SBNO2: variants seen among roughly 807,000 people sequenced by gnomAD.
The protein encoded by SBNO2 is strawberry notch homolog 2.
Under a neutral mutation model 146.3 loss-of-function variants are expected in SBNO2, and 89 were observed. The ratio of observed to expected loss-of-function variants is 0.61; its 90% CI spans 0.51 to 0.73. SBNO2 has a LOEUF of 0.73. Ranked by LOEUF, SBNO2 falls within the 30% of genes least tolerant of loss-of-function variation. The probability of loss-of-function intolerance (pLI) is 0.00; values close to 1 mark genes in which losing one functional copy is unlikely to be tolerated. For missense variants in SBNO2, 2,092 were observed against 2,003.7 expected (o/e 1.04, Z -0.84); for synonymous variants, 1,147 against 892.6 (o/e 1.29, Z -5.08).
intron 4 of SBNO2, among the ~76,000 whole-genome samples, chr19:1,138,387 C>T (rs2080104539): frequency 2.0e-5 from 3 of 151,812 alleles, no homozygotes; most frequent in Admixed American, 1.3e-4. Context: ...GCAAGGGCCC[C>T]TTATCCTCGA....
chr19:1,158,369 C>A lies in SBNO2; in HGVS notation c.-126-3967G>T, dbSNP rs8103571. On this transcript the variant is annotated intron_variant, in intron 1 of 31. Coordinates refer to ENST00000361757, the MANE Select transcript of SBNO2 (RefSeq NM_014963.3). The surrounding 1 kb of genome is among the most constrained non-coding windows in gnomAD (Gnocchi z 9.9). ...CTTTCGGATGTGGACACGGAGGCCCCTAGGTGGAGCCTTGACGTGACCCCC... is the reference window on the plus strand; with the variant it reads ...CTTTCGGATGTGGACACGGAGGCCCATAGGTGGAGCCTTGACGTGACCCCC... Among the ~76,000 whole-genome samples, 267 of 152,282 alleles carry A rather than the reference C, an allele frequency of 1.8e-3. No individual in the cohort carries two copies. Among genetic ancestry groups the A allele is most frequent in the African/African-American group, 6.3e-3 (263 of 41,554 alleles).
intron 4 of SBNO2, among the ~76,000 whole-genome samples, chr19:1,129,383 G>C (rs1374672273): frequency 1.3e-5 from 2 of 152,126 alleles, no homozygotes; most frequent in Non-Finnish European, 2.9e-5. Context: ...CACCCTGTCA[G>C]ACCCAAGCAC....
In SBNO2 at chr19:1,112,620, C is replaced by T. The variant is rs914127852; in HGVS notation, c.2380-83G>A. 2.3e-4 allele frequency: 340 copies of T among 1,475,440 alleles called. No individual in the cohort carries two copies. Among genetic ancestry groups the T allele is most frequent in the South Asian group, 4.7e-4 (35 of 75,124 alleles). The allele number at this position is 1,475,440 out of a possible 1,614,324, so 91.4% of individuals were successfully genotyped here. A position where few individuals can be genotyped will look rare whatever the true frequency, so the allele number is the denominator to read the frequency against. The stretch of plus-strand genomic sequence containing the variant: ...GCCACCTCCTCACCCACTAGGCCCC[C>T]GCTCCAGGTCACCAGGACGTCCCGG... On this transcript the variant is annotated intron_variant, in intron 20 of 31. Coordinates refer to ENST00000361757, the MANE Select transcript of SBNO2 (RefSeq NM_014963.3). The surrounding 1 kb of genome is among the most constrained non-coding windows in gnomAD (Gnocchi z 5.9).
Position 1,158,468 on chromosome 19 carries a change from C to G in SBNO2, c.-126-4066G>C, listed in dbSNP as rs1234115302. Among the ~76,000 whole-genome samples, 1 of 152,200 alleles carries G rather than the reference C, an allele frequency of 6.6e-6. No individual in the cohort carries two copies. The highest frequency in any genetic ancestry group is 2.4e-5 in the African/African-American group (1 of 41,440). On this transcript the variant is annotated intron_variant, in intron 1 of 31. Coordinates refer to ENST00000361757, the MANE Select transcript of SBNO2 (RefSeq NM_014963.3). The surrounding 1 kb of genome is among the most constrained non-coding windows in gnomAD (Gnocchi z 9.9). ...GCAAAGCGGAGACCCTGAGAAGACA[C>G]TGGCCGCAGAGCCATAACCGAGACC... is the stretch of plus-strand genomic sequence containing the variant.
Position 1,157,208 on chromosome 19 carries a change from T to C in SBNO2, c.-126-2806A>G, listed in dbSNP as rs576896962. Among the ~76,000 whole-genome samples the C allele has an allele frequency of 1.2e-4, 19 of 152,200 alleles. No homozygotes were observed. The East Asian group carries it at 3.3e-3, about 26-fold the overall frequency. ...CCCCATTGACTCCGCCGCCGTTTCT[T>C]GCAGCAGCTGTGACCACGCCATGTC... On this transcript the variant is annotated intron_variant, in intron 1 of 31. Transcript: ENST00000361757. The surrounding 1 kb of genome is among the most constrained non-coding windows in gnomAD (Gnocchi z 6.8).
chr19:1,132,863 G>A (rs1402263421), intron 4 of SBNO2, among the ~76,000 whole-genome samples: 2 of 152,200 alleles, frequency 1.3e-5, no homozygotes, highest in African/African-American at 2.4e-5. Flanking sequence ...GGCCAGACCC[G>A]GCCTCGGCCC....
Position 1,110,933 on chromosome 19 carries a change from T to C in SBNO2, c.2885-45A>G, listed in dbSNP as rs762712077. On this transcript the variant is annotated intron_variant, in intron 25 of 31. Coordinates refer to ENST00000361757, the MANE Select transcript of SBNO2 (RefSeq NM_014963.3). The surrounding 1 kb of genome is among the most constrained non-coding windows in gnomAD (Gnocchi z 4.9). Reference sequence around the variant, plus strand: ...AGCCTCAGGCTGCGCTGGGAATCCCTCTCCCTGCTTTGCTCACCACCCGAG... The same window carrying C: ...AGCCTCAGGCTGCGCTGGGAATCCCCCTCCCTGCTTTGCTCACCACCCGAG... The C allele has an allele frequency of 1.1e-5, 18 of 1,610,872 alleles. 1 individual carries two copies. Among genetic ancestry groups the C allele is most frequent in the South Asian group, 5.5e-5 (5 of 91,032 alleles).
In SBNO2 at chr19:1,112,860, G is replaced by A. The variant is rs753933575; in HGVS notation, c.2337C>T (p.His779=). Residue 779 remains histidine (H), a synonymous_variant, in exon 20 of 32, where the codon CAC becomes CAT. Coordinates refer to ENST00000361757, the MANE Select transcript of SBNO2 (RefSeq NM_014963.3). The surrounding 1 kb of genome is among the most constrained non-coding windows in gnomAD (Gnocchi z 5.9). ...SRAEQGLSID[H]VNLREKQRFM... ...AGCGCTGCTTCTCCCTGAGGTTCAC[G>A]TGGTCGATGGACAGACCCTGCTCTG... 2.0e-5 allele frequency: 32 copies of A among 1,576,058 alleles called. No homozygotes were observed. The highest frequency in any genetic ancestry group is 2.6e-5 in the Non-Finnish European group (30 of 1,162,552).
At chr19:1,143,447 GAAC>G (rs956281026) in intron 4 of SBNO2, among the ~76,000 whole-genome samples, 2 of 152,158 alleles carry the variant, frequency 1.3e-5, no homozygotes, top group African/African-American at 2.4e-5. Context: ...ACTCCAGGCT[GAAC>G]AACAGAGCCA....
At chr19:1,124,753 G>T (rs1431912262) in intron 5 of SBNO2, among the ~76,000 whole-genome samples, 1 of 152,250 alleles carries the variant, frequency 6.6e-6, no homozygotes. Flanking sequence ...ACCAGGGTGG[G>T]CAGTGACACT....
chr19:1,111,835 AG>A (rs2079764814), intron 23 of SBNO2, among the ~76,000 whole-genome samples, 160 bp downstream of exon 23: 1 of 150,326 alleles, frequency 6.7e-6, no homozygotes, highest in East Asian at 2.0e-4. Context: ...AGCCCCTAGA[AG>A]CCCCCTTCCC....
In SBNO2 at chr19:1,144,460, G is replaced by A. The variant is rs113456860; in HGVS notation, c.279+2849C>T. Among the ~76,000 whole-genome samples the A allele has an allele frequency of 6.6e-6, 1 of 152,156 alleles. No individual in the cohort carries two copies. Among genetic ancestry groups the A allele is most frequent in the Admixed American group, 6.5e-5 (1 of 15,268 alleles). On this transcript the variant is annotated intron_variant, in intron 4 of 31. Transcript: ENST00000361757. The surrounding 1 kb of genome is among the most constrained non-coding windows in gnomAD (Gnocchi z 4.1). The stretch of plus-strand genomic sequence containing the variant: ...CCAGCACAGTGGCCCCGAGGGCTCC[G>A]GGCTGAACAGATGCAGCAGCAATTG...
intron 4 of SBNO2, among the ~76,000 whole-genome samples, chr19:1,143,061 C>T (rs1458597059): frequency 6.6e-6 from 1 of 152,214 alleles, no homozygotes; most frequent in East Asian, 1.9e-4. Context: ...CCTACCAATC[C>T]CTCCAGGTTT....
chr19:1,114,565 T>C, intron 17 of SBNO2, 143 bp from the exon 18 acceptor site: 1 of 663,134 alleles, frequency 1.5e-6, no homozygotes, highest in South Asian at 2.4e-5. Flanking sequence ...GGCAAGCAGC[T>C]CAGCTGTTCT....
At chr19:1,114,738 G>A (rs2079811111) in intron 17 of SBNO2, among the ~76,000 whole-genome samples, 3 of 152,144 alleles carry the variant, frequency 2.0e-5, no homozygotes, top group South Asian at 2.1e-4. Flanking sequence ...GGATTCAAGC[G>A]ATTCTCCTGC....
intron 18 of SBNO2, among the ~76,000 whole-genome samples, chr19:1,113,967 G>A (rs1050670074): frequency 5.2e-4 from 79 of 152,328 alleles, no homozygotes; most frequent in African/African-American, 1.8e-3. Flanking sequence ...GGACTGCCCA[G>A]CCCCAAGCCC....
chr19:1,142,219 C>T (rs886592792), intron 4 of SBNO2, among the ~76,000 whole-genome samples: 12 of 151,858 alleles, frequency 7.9e-5, no homozygotes, highest in African/African-American at 2.9e-4. Flanking sequence ...TCATGATCAA[C>T]CCTCCCTCAA....
At position 1,110,573 on chromosome 19, in the gene SBNO2, G is replaced by A. The variant is rs1202524939; in HGVS notation, c.3028+172C>T. ...AGCCCCGAGCCCACCTGGGATGCCC[G>A]GCGTTCCCACGAGCCCCTCGCCCAC... On this transcript the variant is annotated intron_variant, in intron 26 of 31. Coordinates refer to ENST00000361757, the MANE Select transcript of SBNO2 (RefSeq NM_014963.3). This position sits in a 1 kb window ranked among gnomAD's most constrained non-coding sequence, Gnocchi z 4.9. 7 of 659,164 alleles carry A rather than the reference G, an allele frequency of 1.1e-5. No homozygotes were observed. The highest frequency in any genetic ancestry group is 1.6e-5 in the Non-Finnish European group (7 of 442,704). 40.8% of individuals were successfully genotyped at this position (659,164 alleles called of 1,614,324 possible). A position where few individuals can be genotyped will look rare whatever the true frequency, so the allele number is the denominator to read the frequency against.
intron 18 of SBNO2, 92 bp from the exon 19 acceptor site, chr19:1,113,796 G>A (rs2079797583): frequency 1.5e-6 from 2 of 1,370,914 alleles, no homozygotes; most frequent in Admixed American, 3.7e-5. Context: ...GCAAGGACAA[G>A]GGGCCCGGGG....
Sources: allele counts gnomAD v4.1 joint callset (sites outside exome capture counted in the v4.1 genomes callset), GRCh38; gene constraint gnomAD v4.1.1; non-coding constraint Gnocchi (gnomAD v3.1); transcripts MANE v1.5; gene names NCBI Gene and HGNC (gene_info 2026-07-23, HGNC 2026-07-21).